Variants in RAPGEF3 observed in about 807,000 individuals in gnomAD.
RAPGEF3 encodes Rap guanine nucleotide exchange factor 3, also known as 9330170P05Rik.
In RAPGEF3, 103 loss-of-function variants were observed where a neutral mutation model predicts 129.8. The ratio of observed to expected loss-of-function variants is 0.79; its 90% CI spans 0.68 to 0.93. The LOEUF (loss-of-function observed/expected upper bound fraction) is 0.93, where lower values mean the gene tolerates loss of function less well. Ranked by LOEUF, RAPGEF3 falls within the 40% of genes least tolerant of loss-of-function variation. The pLI is 0.00. For synonymous variants in RAPGEF3, 436 were observed against 482.6 expected, an observed-to-expected ratio of 0.90 and a Z score of 1.26; for missense variants, 1,117 against 1,207.4, an observed-to-expected ratio of 0.93 and a Z score of 1.11.
At chr12:47,748,361 C>T (rs371783892) in intron 12 of RAPGEF3, 93 bp downstream of exon 12, 31 of 1,222,960 alleles carry the variant, frequency 2.5e-5, no homozygotes, top group Non-Finnish European at 3.2e-5. Context: ...ATCCAGCATT[C>T]GGTGACGTCA....
intron 23 of RAPGEF3, 197 bp downstream of exon 23, chr12:47,739,944 G>T: frequency 3.1e-6 from 2 of 653,884 alleles, no homozygotes; most frequent in Non-Finnish European, 2.7e-6. Context: ...CCCTATCCTA[G>T]TGCTGAACAC....
At chr12:47,750,575 A>G (rs1262273872) in intron 6 of RAPGEF3, 150 bp from the exon 7 acceptor site, 2 of 675,716 alleles carry the variant, frequency 3.0e-6, no homozygotes, top group Non-Finnish European at 2.6e-6. Context: ...GAGTGCGCAC[A>G]TGTGGCAGCG....
chr12:47,741,635 G>C, intron 18 of RAPGEF3, 33 bp from the exon 19 acceptor site: 1 of 1,327,514 alleles, frequency 7.5e-7, no homozygotes, highest in Non-Finnish European at 1.1e-6. Flanking sequence ...CTGGGTGGGG[G>C]AAGGGAGGGA....
intron 18 of RAPGEF3, among the ~76,000 whole-genome samples, chr12:47,742,781 AC>A (rs1260639645): frequency 1.3e-5 from 2 of 152,172 alleles, no homozygotes; most frequent in Non-Finnish European, 2.9e-5. Context: ...CCAGCATCAC[AC>A]AGCTAGTAAA....
rs189561877 is a variant in RAPGEF3 at position 47,735,845 on chromosome 12, G to A, written c.*1722C>T. On this transcript the variant is annotated 3_prime_UTR_variant, in exon 28 of 28. Coordinates refer to ENST00000449771, the MANE Select transcript of RAPGEF3 (RefSeq NM_001098531.4). ...TGGGTTGGATGAAAAGAAAGCCCCC[G>A]GACTCCTGACTCACCCAGGCTTGAG... The A allele has an allele frequency of 2.3e-4, 35 of 152,430 alleles. No individual in the cohort carries two copies. The highest frequency in any genetic ancestry group is 7.5e-4 in the African/African-American group (31 of 41,528). The allele number at this position is 152,430 out of a possible 1,614,324, so 9.4% of individuals were successfully genotyped here. A position where few individuals can be genotyped will look rare whatever the true frequency, so the allele number is the denominator to read the frequency against.
chr12:47,738,963 T>C (rs1479695045), intron 24 of RAPGEF3, 180 bp downstream of exon 24: 2 of 691,062 alleles, frequency 2.9e-6, no homozygotes, highest in South Asian at 1.9e-5. Context: ...TCTTCCAGTC[T>C]AAGAACTCCT....
intron 2 of RAPGEF3, among the ~76,000 whole-genome samples, chr12:47,753,678 C>A (rs1280320697): frequency 6.6e-6 from 1 of 152,252 alleles, no homozygotes; most frequent in Non-Finnish European, 1.5e-5. Flanking sequence ...TGCTACCCAG[C>A]CAGCCCCCTG....
At chr12:47,753,406 C>T (rs981916034) in intron 2 of RAPGEF3, among the ~76,000 whole-genome samples, 2 of 152,158 alleles carry the variant, frequency 1.3e-5, no homozygotes, top group East Asian at 3.9e-4. Flanking sequence ...TGAAAAGGAC[C>T]TGCTGGGGAG....
In RAPGEF3 at chr12:47,740,744, C is replaced by T. The variant is rs768121835; in HGVS notation, c.2129G>A (p.Arg710His). Residue 710 changes from arginine to histidine, a missense_variant, in exon 21 of 28, where the codon CGC (arginine) becomes CAC (histidine). By Grantham distance (29) the Arg-to-His change is conservative. Around this residue, in one of 3 missense-constraint regions of RAPGEF3, gnomAD observed 643 missense variants for 673.4 expected, o/e 0.95. Coordinates refer to ENST00000449771, the MANE Select transcript of RAPGEF3 (RefSeq NM_001098531.4). ...TTANLERFMR[R>H]FNELQYWVAT... ...CACCCAGTACTGCAGCTCATTGAAG[C>T]GGCGCATGAAGCGCTCCAGGTTGGC... The T allele has an allele frequency of 1.1e-5, 18 of 1,613,952 alleles. No homozygotes were observed. The highest frequency in any genetic ancestry group is 4.5e-5 in the East Asian group (2 of 44,902).
chr12:47,744,099 T>C (rs373942712), intron 16 of RAPGEF3, 31 bp from the exon 17 acceptor site: 4 of 1,527,806 alleles, frequency 2.6e-6, no homozygotes, highest in Non-Finnish European at 3.6e-6. Context: ...AAAATAAGGC[T>C]GGGAGGACAT....
intron 17 of RAPGEF3, 129 bp downstream of exon 17, chr12:47,743,858 C>A: frequency 3.0e-6 from 4 of 1,346,590 alleles, no homozygotes; most frequent in Non-Finnish European, 4.2e-6. Context: ...GGAACACAGA[C>A]CCTGAGGAGT....
At position 47,758,846 on chromosome 12, in the gene RAPGEF3, C is replaced by T. The variant is rs1219907861; in HGVS notation, c.-290G>A. On this transcript the variant is annotated 5_prime_UTR_variant, in exon 1 of 28. Coordinates refer to ENST00000449771, the MANE Select transcript of RAPGEF3 (RefSeq NM_001098531.4). Reference sequence around the variant, plus strand: ...TGCGCCTTCGTCTCAGACGAAGGAGCCAGCTGGCACCGGGCGCTGAAGCAA... The same window carrying T: ...TGCGCCTTCGTCTCAGACGAAGGAGTCAGCTGGCACCGGGCGCTGAAGCAA... The T allele has an allele frequency of 3.0e-5, 36 of 1,195,972 alleles. No homozygotes were observed. The highest frequency in any genetic ancestry group is 3.3e-4 in the Middle Eastern group (1 of 3,010). 74.1% of individuals were successfully genotyped at this position (1,195,972 alleles called of 1,614,324 possible).
In RAPGEF3 at chr12:47,758,640, G is replaced by T; in HGVS notation, c.-84C>A. 6.3e-7 allele frequency: 1 copy of T among 1,596,414 alleles called. No homozygotes were observed. The highest frequency in any genetic ancestry group is 8.5e-7 in the Non-Finnish European group (1 of 1,170,348). ...GCGACCCCCATCAGCTTTGATAAGG[G>T]GATCCGGAGGGTGCCAGTGGGTAAG... On this transcript the variant is annotated 5_prime_UTR_variant, in exon 1 of 28. Transcript: ENST00000449771.
intron 18 of RAPGEF3, among the ~76,000 whole-genome samples, chr12:47,743,296 G>A (rs1348597278): frequency 6.6e-6 from 1 of 152,242 alleles, no homozygotes; most frequent in Non-Finnish European, 1.5e-5. Flanking sequence ...CACACAGATG[G>A]TGAGCTAAAG....
intron 2 of RAPGEF3, among the ~76,000 whole-genome samples, chr12:47,754,508 C>T (rs1171702054): frequency 6.6e-6 from 1 of 152,198 alleles, no homozygotes; most frequent in Non-Finnish European, 1.5e-5. Flanking sequence ...GCGTTACCAT[C>T]TGGTTGTGTG....
At chr12:47,741,835 C>T in intron 18 of RAPGEF3, 1 of 570,082 alleles carries the variant, frequency 1.8e-6, no homozygotes, top group Non-Finnish European at 3.2e-6. Flanking sequence ...CAGGAAGAAC[C>T]TGGGCAGGGT....
At chr12:47,742,089 A>G (rs1232208344) in intron 18 of RAPGEF3, 1 of 154,006 alleles carries the variant, frequency 6.5e-6, no homozygotes, top group Non-Finnish European at 1.4e-5. Flanking sequence ...CCTCCAAAGT[A>G]AGGTACATCA....
Position 47,751,077 on chromosome 12 carries a change from G to A in RAPGEF3, c.642C>T (p.Asp214=), listed in dbSNP as rs757561510. Residue 214 remains aspartate, a synonymous_variant, in exon 6 of 28, where the codon GAC becomes GAT. Coordinates refer to ENST00000449771, the MANE Select transcript of RAPGEF3 (RefSeq NM_001098531.4). ...TTCGAAGTGCCACAGTGAGCAGGGC[G>A]TCAGGCCCCCGCTGGGAGAGCAGGG... ...AVALLSQRGP[D]ALLTVALRKP... The A allele has an allele frequency of 1.4e-5, 22 of 1,596,076 alleles. No homozygotes were observed. Among genetic ancestry groups the A allele is most frequent in the South Asian group, 1.0e-4 (9 of 87,454 alleles).
chr12:47,745,426 G>C (rs1222425180), intron 16 of RAPGEF3: 1 of 152,340 alleles, frequency 6.6e-6, no homozygotes, highest in Non-Finnish European at 1.5e-5. Context: ...TCAGACCCCT[G>C]TCCTTGGCCC....
Sources: gnomAD v4.1 joint callset for allele counts (sites outside exome capture counted in the v4.1 genomes callset) on GRCh38, gnomAD v4.1.1 for gene constraint, gnomAD v4.1.1 regional missense constraint, MANE v1.5 for transcripts, NCBI Gene and HGNC (gene_info 2026-07-23, HGNC 2026-07-21) for gene names.